Variants in DLGAP2 observed in about 807,000 individuals in gnomAD.
The protein encoded by DLGAP2 is DLG associated protein 2, also known as disks large-associated protein 2.
Under a neutral mutation model 100.3 loss-of-function variants are expected in DLGAP2, and 26 were observed. The observed-to-expected ratio is 0.26, with a 90% CI of 0.19 to 0.36. The LOEUF is 0.36. DLGAP2 is among the 10% of genes least tolerant of loss of function. DLGAP2 has a pLI of 1.00. For missense variants in DLGAP2, 1,858 were observed against 1,453.2 expected (o/e 1.28, Z -4.53); for synonymous variants, 886 against 630.1 (o/e 1.41, Z -6.08).
intron 2 of DLGAP2, among the ~76,000 whole-genome samples, chr8:1,250,081 A>G (rs944253632): frequency 2.6e-5 from 4 of 152,108 alleles, no homozygotes; most frequent in Admixed American, 1.3e-4. Flanking sequence ...GGGTTTCACC[A>G]TGTTGGTCAG....
At chr8:1,465,527 T>G (rs1410675800) in intron 3 of DLGAP2, among the ~76,000 whole-genome samples, 1 of 151,706 alleles carries the variant, frequency 6.6e-6, no homozygotes, top group Non-Finnish European at 1.5e-5. Flanking sequence ...AGGATACAGG[T>G]GAAGAGATGA....
In DLGAP2 at chr8:1,129,274, G is replaced by A. The variant is rs114621079; in HGVS notation, c.74-129577G>A. 1.9e-3 allele frequency among the ~76,000 whole-genome samples: 296 copies of A among 152,076 alleles called. 2 individuals are homozygous for A. The highest frequency in any genetic ancestry group is 6.6e-3 in the African/African-American group (272 of 41,482). ...AAAAATTAGCCAGGCAAGGTGGCAC[G>A]TGCCTGTGTTCCCAGCTGCTCGGGA... On this transcript the variant is annotated intron_variant, in intron 2 of 14. Coordinates refer to ENST00000637795, the MANE Select transcript of DLGAP2 (RefSeq NM_001346810.2).
chr8:1,031,134 C>T (rs1208692232), intron 2 of DLGAP2, among the ~76,000 whole-genome samples: 3 of 152,200 alleles, frequency 2.0e-5, no homozygotes, highest in Non-Finnish European at 4.4e-5. Flanking sequence ...ACGAGTTCCA[C>T]TTTCCAATTT....
chr8:1,458,009 T>TATATATAA (rs1798367893), intron 3 of DLGAP2, among the ~76,000 whole-genome samples: 1 of 136,652 alleles, frequency 7.3e-6, no homozygotes, highest in Admixed American at 7.5e-5. Flanking sequence ...TATATATATA[T>TATATATAA]ATATAATTTT....
At chr8:980,548 C>T (rs77471981) in intron 2 of DLGAP2, among the ~76,000 whole-genome samples, 4,680 of 152,278 alleles carry the variant, frequency 0.031, 102 homozygotes, top group Non-Finnish European at 0.044. Flanking sequence ...GTTCTCTCTT[C>T]GCCAATTCAT....
intron 3 of DLGAP2, among the ~76,000 whole-genome samples, chr8:1,339,908 T>C (rs1054086409): frequency 1.3e-5 from 2 of 152,222 alleles, no homozygotes; most frequent in Admixed American, 6.5e-5. Context: ...ACAAAATATG[T>C]GTATATTGAC....
At chr8:1,496,719 T>C (rs1185378187) in intron 3 of DLGAP2, among the ~76,000 whole-genome samples, 1 of 151,968 alleles carries the variant, frequency 6.6e-6, no homozygotes, top group Admixed American at 6.6e-5. Context: ...TGATCAGAGA[T>C]GTTAGAAAGT....
chr8:1,049,857 C>G (rs1163458334), intron 2 of DLGAP2, among the ~76,000 whole-genome samples: 3 of 146,426 alleles, frequency 2.0e-5, no homozygotes, highest in African/African-American at 7.4e-5. Flanking sequence ...TGGATATGTG[C>G]ACACGCATTT....
chr8:1,687,179 C>G (rs1419805861), intron 12 of DLGAP2, among the ~76,000 whole-genome samples: 4 of 152,166 alleles, frequency 2.6e-5, no homozygotes, highest in African/African-American at 4.8e-5. Flanking sequence ...ATTTCCGACT[C>G]TCTGCAAATT....
Position 1,418,130 on chromosome 8 carries a change from C to CAT in DLGAP2, c.107-83235_107-83234insTA, listed in dbSNP as rs1314072111. Among the ~76,000 whole-genome samples, 9 of 152,346 alleles carry CAT rather than the reference C, an allele frequency of 5.9e-5. No individual in the cohort carries two copies. The East Asian group carries it at 1.7e-3, about 29-fold the overall frequency. The stretch of plus-strand genomic sequence containing the variant: ...ACCAAATAAAAGATCTCCAGCCATA[C>CAT]AGTGTGGCCTCATGCACAGCATTCT... On this transcript the variant is annotated intron_variant, in intron 3 of 14. Coordinates refer to ENST00000637795, the MANE Select transcript of DLGAP2 (RefSeq NM_001346810.2).
At chr8:1,421,932 C>T (rs902412844) in intron 3 of DLGAP2, among the ~76,000 whole-genome samples, 1 of 152,116 alleles carries the variant, frequency 6.6e-6, no homozygotes, top group Non-Finnish European at 1.5e-5. Flanking sequence ...TGCCATTGCA[C>T]TCTAGCCTGG....
intron 2 of DLGAP2, among the ~76,000 whole-genome samples, chr8:1,031,465 G>A (rs1801970541): frequency 6.6e-6 from 1 of 151,944 alleles, no homozygotes; most frequent in Admixed American, 6.6e-5. Context: ...AAGCTGTGGT[G>A]CAGTGGTACA....
At chr8:1,494,201 A>T (rs1799478507) in intron 3 of DLGAP2, among the ~76,000 whole-genome samples, 1 of 152,226 alleles carries the variant, frequency 6.6e-6, no homozygotes, top group Non-Finnish European at 1.5e-5. Context: ...CAAGAAATCC[A>T]GTCTTTTCTT....
intron 2 of DLGAP2, among the ~76,000 whole-genome samples, chr8:994,352 C>G (rs12677315): frequency 2.0e-5 from 3 of 152,100 alleles, no homozygotes; most frequent in Non-Finnish European, 4.4e-5. Flanking sequence ...AGGCATGGGC[C>G]ACCATGCCTG....
At chr8:778,650 CTCAGGGG>C (rs1326170241) in intron 1 of DLGAP2, among the ~76,000 whole-genome samples, 2 of 152,316 alleles carry the variant, frequency 1.3e-5, no homozygotes, top group East Asian at 1.9e-4. Flanking sequence ...AGTTAGGCTG[CTCAGGGG>C]TCAGGGGTCA....
chr8:1,632,502 T>A (rs1442172413), intron 7 of DLGAP2, among the ~76,000 whole-genome samples: 1 of 152,234 alleles, frequency 6.6e-6, no homozygotes, highest in Non-Finnish European at 1.5e-5. Flanking sequence ...CCTTCCTTTG[T>A]ACCAGGTACT....
chr8:1,155,015 C>G (rs1403743471), intron 2 of DLGAP2, among the ~76,000 whole-genome samples: 1 of 152,210 alleles, frequency 6.6e-6, no homozygotes, highest in Non-Finnish European at 1.5e-5. Flanking sequence ...TCCCATCCTG[C>G]TTCTGTTCCC....
intron 8 of DLGAP2, among the ~76,000 whole-genome samples, chr8:1,651,264 C>G (rs1798156088): frequency 6.6e-6 from 1 of 152,218 alleles, no homozygotes; most frequent in African/African-American, 2.4e-5. Context: ...CCACCAGATT[C>G]TGTGTGTTCT....
At chr8:1,282,320 G>A (rs1799834678) in intron 3 of DLGAP2, among the ~76,000 whole-genome samples, 1 of 149,504 alleles carries the variant, frequency 6.7e-6, no homozygotes, top group African/African-American at 2.5e-5. Flanking sequence ...ATCCGGACGT[G>A]GTGTGACCTG....
Sources: allele counts gnomAD v4.1 joint callset (sites outside exome capture counted in the v4.1 genomes callset), GRCh38; gene constraint gnomAD v4.1.1; transcripts MANE v1.5; gene names NCBI Gene and HGNC (gene_info 2026-07-23, HGNC 2026-07-21).